Variants in RANBP2 observed in about 807,000 individuals in gnomAD.
RANBP2 encodes the protein RAN binding protein 2, also known as E3 SUMO-protein ligase RanBP2.
Under a neutral mutation model 303.6 loss-of-function variants are expected in RANBP2, and 57 were observed. The observed-to-expected ratio is 0.19, with a 90% CI of 0.15 to 0.23. The LOEUF (loss-of-function observed/expected upper bound fraction) is 0.23. Ranked by LOEUF, RANBP2 falls within the 10% of genes least tolerant of loss-of-function variation. The pLI, the probability that RANBP2 is intolerant of heterozygous loss-of-function variation, is 1.00. For synonymous variants in RANBP2, 1,167 were observed against 1,301.5 expected, an observed-to-expected ratio of 0.90 and a Z score of 2.23; for missense variants, 3,138 against 3,780.8, an observed-to-expected ratio of 0.83 and a Z score of 4.46.
rs1389918152 is a variant in RANBP2, at chr2:108,780,633, G to A, written c.8600-636G>A. ...CAACTTCTGCCCCCCAGGTTGAAGC[G>A]ATTCTTCTGCCTCAGCCTCTCAAGT... On this transcript the variant is annotated intron_variant, in intron 25 of 28. Coordinates refer to ENST00000283195, the MANE Select transcript of RANBP2 (RefSeq NM_006267.5). 5.9e-5 allele frequency among the ~76,000 whole-genome samples: 9 copies of A among 151,454 alleles called. No homozygotes were observed. The South Asian group carries it at 1.9e-3, about 32-fold the overall frequency.
the RANBP2 span, among the ~76,000 whole-genome samples, chr2:109,573,580 T>C: frequency 1.3e-5 from 2 of 152,196 alleles, no homozygotes; most frequent in African/African-American, 4.8e-5. Context: ...TAGGCAGGCC[T>C]TCAGGCTTTC....
At chr2:109,719,389 C>T in the RANBP2 span, among the ~76,000 whole-genome samples, 13 of 147,992 alleles carry the variant, frequency 8.8e-5, no homozygotes, top group African/African-American at 2.5e-4. Flanking sequence ...TGTGAGCCAC[C>T]GCACCTGGCT....
chr2:108,775,638 C>T, intron 23 of RANBP2, 94 bp from the exon 24 acceptor site: 1 of 1,340,162 alleles, frequency 7.5e-7, no homozygotes, highest in South Asian at 1.2e-5. Context: ...TCTCCAGAAG[C>T]CCAAGTTCTC....
chr2:109,404,445 CA>C, the RANBP2 span, among the ~76,000 whole-genome samples: 2 of 152,202 alleles, frequency 1.3e-5, no homozygotes, highest in Non-Finnish European at 2.9e-5. Context: ...CTGGGAGTCT[CA>C]GCAGCCACTC....
At chr2:109,525,546 G>T in the RANBP2 span, among the ~76,000 whole-genome samples, 1 of 152,204 alleles carries the variant, frequency 6.6e-6, no homozygotes, top group Non-Finnish European at 1.5e-5. Context: ...ACCACAAAGT[G>T]GTGGGCTGGT....
the RANBP2 span, among the ~76,000 whole-genome samples, chr2:109,378,547 C>T: frequency 6.6e-6 from 1 of 152,164 alleles, no homozygotes; most frequent in Non-Finnish European, 1.5e-5. Flanking sequence ...TGGTTACTGA[C>T]TTTGTGAATT....
At chr2:109,628,855 T>C in the RANBP2 span, among the ~76,000 whole-genome samples, 1 of 152,128 alleles carries the variant, frequency 6.6e-6, no homozygotes, top group Admixed American at 6.6e-5. Context: ...GAGTTATTTT[T>C]CTCTTCCTTT....
the RANBP2 span, among the ~76,000 whole-genome samples, chr2:109,352,740 C>T: frequency 6.6e-6 from 1 of 152,192 alleles, no homozygotes; most frequent in African/African-American, 2.4e-5. Flanking sequence ...CCTGCAGCCA[C>T]CTCTGTGCAC....
At chr2:109,333,200 T>C in the RANBP2 span, among the ~76,000 whole-genome samples, 5 of 152,230 alleles carry the variant, frequency 3.3e-5, no homozygotes, top group African/African-American at 4.8e-5. Flanking sequence ...ATGATGGACT[T>C]ACCTGTATCT....
chr2:109,403,609 C>T, the RANBP2 span, among the ~76,000 whole-genome samples: 18 of 152,218 alleles, frequency 1.2e-4, no homozygotes, highest in South Asian at 4.1e-4. Flanking sequence ...CAGGTCCCTG[C>T]GGTGCTCCAT....
the RANBP2 span, among the ~76,000 whole-genome samples, chr2:109,241,116 A>G: frequency 1.1e-3 from 169 of 152,370 alleles, no homozygotes; most frequent in African/African-American, 2.7e-3. Flanking sequence ...TTCATTGTCT[A>G]GTAAGTTAAT....
the RANBP2 span, among the ~76,000 whole-genome samples, chr2:109,629,872 C>T: frequency 2.6e-5 from 4 of 152,022 alleles, no homozygotes; most frequent in Non-Finnish European, 5.9e-5. Context: ...TTATGTACCC[C>T]GCTAATATTT....
the RANBP2 span, among the ~76,000 whole-genome samples, chr2:109,438,337 G>A: frequency 1.3e-5 from 2 of 152,158 alleles, no homozygotes; most frequent in East Asian, 3.9e-4. Context: ...CCATCAGCAG[G>A]TATAGGGTGA....
At chr2:109,553,508 C>T in the RANBP2 span, among the ~76,000 whole-genome samples, 1 of 150,718 alleles carries the variant, frequency 6.6e-6, no homozygotes, top group Non-Finnish European at 1.5e-5. Context: ...CATGCCACTG[C>T]ACTCCAGCCT....
the RANBP2 span, among the ~76,000 whole-genome samples, chr2:109,670,029 C>T: frequency 6.6e-6 from 1 of 152,174 alleles, no homozygotes; most frequent in Non-Finnish European, 1.5e-5. Flanking sequence ...CAGCCAGCAA[C>T]TGCAGTGAGG....
At chr2:108,816,552 T>TA in the RANBP2 span, among the ~76,000 whole-genome samples, 123,831 of 152,114 alleles carry the variant, frequency 0.81, 50,548 homozygotes, top group East Asian at 0.95. Flanking sequence ...ATCACATGGC[T>TA]GGGGGCTGAG....
chr2:109,086,307 T>C, the RANBP2 span, among the ~76,000 whole-genome samples: 2 of 152,168 alleles, frequency 1.3e-5, no homozygotes, highest in Non-Finnish European at 2.9e-5. Flanking sequence ...CACTTGTTCA[T>C]TCCTACCATT....
the RANBP2 span, among the ~76,000 whole-genome samples, chr2:109,004,193 C>T: frequency 2.0e-5 from 3 of 152,180 alleles, no homozygotes; most frequent in Non-Finnish European, 2.9e-5. Context: ...ATGGCAACTT[C>T]GTAAACCAAG....
At chr2:109,289,127 G>A in the RANBP2 span, among the ~76,000 whole-genome samples, 1 of 152,176 alleles carries the variant, frequency 6.6e-6, no homozygotes, top group Non-Finnish European at 1.5e-5. Flanking sequence ...GCTGTCATAT[G>A]AAAAGAAAAT....
Sources: allele counts gnomAD v4.1 joint callset (sites outside exome capture counted in the v4.1 genomes callset), GRCh38; gene constraint gnomAD v4.1.1; transcripts MANE v1.5; gene names NCBI Gene and HGNC (gene_info 2026-07-23, HGNC 2026-07-21).